EIF4G3: variants seen among roughly 807,000 people sequenced by gnomAD.
The protein encoded by EIF4G3 is eIF-4-gamma 3.
In EIF4G3, 34 loss-of-function variants were observed where a neutral mutation model predicts 186.4. The ratio of observed to expected loss-of-function variants is 0.18; its 90% CI spans 0.14 to 0.24. EIF4G3 has a LOEUF of 0.24. Among genes scored for constraint, EIF4G3 ranks in the 10% least tolerant of loss-of-function variants. The pLI is 1.00. For synonymous variants in EIF4G3, 673 were observed against 679.5 expected (o/e 0.99, Z 0.15); for missense variants, 1,536 against 1,948.5 (o/e 0.79, Z 3.99).
intron 3 of EIF4G3, among the ~76,000 whole-genome samples, chr1:21,084,857 CT>C (rs2095907581): frequency 6.6e-6 from 1 of 151,950 alleles, no homozygotes; most frequent in South Asian, 2.1e-4. Context: ...CAATAGTATA[CT>C]GTATATATAT....
chr1:20,912,414 A>G (rs896208353), intron 14 of EIF4G3, among the ~76,000 whole-genome samples: 2 of 124,294 alleles, frequency 1.6e-5, no homozygotes, highest in Admixed American at 1.7e-4. Context: ...TAAGTAAGAG[A>G]CTCTGAATTA....
intron 3 of EIF4G3, among the ~76,000 whole-genome samples, chr1:21,076,829 C>G (rs1557843035): frequency 6.6e-6 from 1 of 151,998 alleles, no homozygotes; most frequent in Non-Finnish European, 1.5e-5. Flanking sequence ...GATCTGAAAC[C>G]ATGAAACGAA....
chr1:21,016,993 A>G (rs2089301983), intron 4 of EIF4G3, among the ~76,000 whole-genome samples: 1 of 152,082 alleles, frequency 6.6e-6, no homozygotes, highest in African/African-American at 2.4e-5. Context: ...ACGAAACAAA[A>G]CAATAAATAT....
chr1:21,002,744 G>T lies in EIF4G3; in HGVS notation c.-2C>A. 2 of 1,613,740 alleles carry T rather than the reference G, an allele frequency of 1.2e-6. No homozygotes were observed. Among genetic ancestry groups the T allele is most frequent in the Non-Finnish European group, 1.7e-6 (2 of 1,179,820 alleles). On this transcript the variant is annotated 5_prime_UTR_variant, in exon 5 of 37. Coordinates refer to ENST00000602326, the MANE Select transcript of EIF4G3 (RefSeq NM_001391906.1). ...ACGGGTTTGAGGTTGTGAATTCATT[G>T]TCTGAGGGGTTTGAGGGTATACCAG...
chr1:20,889,893 C>T (rs759823395), intron 18 of EIF4G3, among the ~76,000 whole-genome samples: 8 of 152,122 alleles, frequency 5.3e-5, no homozygotes, highest in African/African-American at 9.7e-5. Flanking sequence ...TTGAAAACTA[C>T]GTAGCTGCAT....
chr1:20,906,478 G>C (rs2092128883), intron 14 of EIF4G3, among the ~76,000 whole-genome samples: 1 of 152,114 alleles, frequency 6.6e-6, no homozygotes, highest in Non-Finnish European at 1.5e-5. Context: ...TCATGGAAAA[G>C]AGGAAGAACA....
At position 21,056,136 on chromosome 1, in the gene EIF4G3, A is replaced by G. The variant is rs572400326; in HGVS notation, c.-195-5142T>C. ...ACTTTCAGGGGTATATCCCTATGGT[A>G]TGCATCCTTTGCAACTCTAAATAGT... On this transcript the variant is annotated intron_variant, in intron 3 of 36. Coordinates refer to ENST00000602326, the MANE Select transcript of EIF4G3 (RefSeq NM_001391906.1). Among the ~76,000 whole-genome samples, 3 of 152,300 alleles carry G rather than the reference A, an allele frequency of 2.0e-5. 1 individual carries two copies. The highest frequency in any genetic ancestry group is 7.2e-5 in the African/African-American group (3 of 41,582).
intron 2 of EIF4G3, among the ~76,000 whole-genome samples, chr1:21,140,523 G>T (rs2097319697): frequency 6.6e-6 from 1 of 152,198 alleles, no homozygotes; most frequent in Non-Finnish European, 1.5e-5. Context: ...CATATGCCCA[G>T]ACTGGTCTTG....
intron 2 of EIF4G3, among the ~76,000 whole-genome samples, chr1:21,143,497 A>G (rs977679470): frequency 2.0e-5 from 3 of 152,210 alleles, no homozygotes; most frequent in Non-Finnish European, 4.4e-5. Flanking sequence ...GTCTGGAGAA[A>G]GACTTCAAAC....
At chr1:20,946,005 T>C (rs745584864) in intron 13 of EIF4G3, among the ~76,000 whole-genome samples, 2 of 152,230 alleles carry the variant, frequency 1.3e-5, no homozygotes, top group Non-Finnish European at 2.9e-5. Context: ...AATTGCTCCC[T>C]TTTATTCTCA....
At chr1:21,154,236 T>A (rs914926943) in intron 2 of EIF4G3, among the ~76,000 whole-genome samples, 26 of 152,144 alleles carry the variant, frequency 1.7e-4, no homozygotes, top group African/African-American at 5.8e-4. Flanking sequence ...TCTATATAGA[T>A]CACTAATGTT....
At chr1:20,834,151 T>C (rs1262782448) in intron 30 of EIF4G3, among the ~76,000 whole-genome samples, 1 of 152,062 alleles carries the variant, frequency 6.6e-6, no homozygotes, top group Non-Finnish European at 1.5e-5. Context: ...GCTAAATAGA[T>C]TAAAAAATAA....
At chr1:21,090,534 T>C (rs61779075) in intron 2 of EIF4G3, among the ~76,000 whole-genome samples, 43,942 of 152,156 alleles carry the variant, frequency 0.29, 8,111 homozygotes, top group Non-Finnish European at 0.41. Flanking sequence ...ATGAACTCTC[T>C]TCAAAATAAA....
At chr1:20,980,270 A>G (rs900138371) in intron 10 of EIF4G3, 64 bp downstream of exon 10, 90 of 1,210,172 alleles carry the variant, frequency 7.4e-5, no homozygotes, top group Non-Finnish European at 9.8e-5. Flanking sequence ...AAACCAACCC[A>G]CCAAGCAACA....
At chr1:20,806,293 T>TATAC (rs1174359252), downstream of EIF4G3, 1 of 152,362 alleles carries the variant, frequency 6.6e-6, no homozygotes, top group Non-Finnish European at 1.5e-5. Context: ...AGTAGAGACA[T>TATAC]ATACATACAT....
intron 14 of EIF4G3, among the ~76,000 whole-genome samples, chr1:20,919,934 G>A (rs565531942): frequency 6.9e-6 from 1 of 144,094 alleles, no homozygotes; most frequent in African/African-American, 2.5e-5. Flanking sequence ...TTAAGACGGA[G>A]TTTTGCTCGT....
rs932584590 is a variant in EIF4G3, at chr1:21,050,972, G to T, written c.-173C>A. 2 of 717,238 alleles carry T rather than the reference G, an allele frequency of 2.8e-6. No homozygotes were observed. Among genetic ancestry groups the T allele is most frequent in the African/African-American group, 3.5e-5 (2 of 57,204 alleles). The allele number at this position is 717,238 out of a possible 1,614,324, so 44.4% of individuals were successfully genotyped here. A position where few individuals can be genotyped will look rare whatever the true frequency, so the allele number is the denominator to read the frequency against. On this transcript the variant is annotated 5_prime_UTR_variant, in exon 4 of 37. Transcript: ENST00000602326. ...ATAAGGGGATGGGGTAGGGGTTCCCGGCTGTCTTGCCACTTGTGTTACCTG... is the reference window on the plus strand; with the variant it reads ...ATAAGGGGATGGGGTAGGGGTTCCCTGCTGTCTTGCCACTTGTGTTACCTG...
chr1:21,162,997 G>C (rs1038797795), intron 2 of EIF4G3, among the ~76,000 whole-genome samples: 12 of 152,140 alleles, frequency 7.9e-5, no homozygotes, highest in African/African-American at 2.4e-4. Context: ...GGGGCAGAAA[G>C]CTGAACCAGA....
intron 30 of EIF4G3, among the ~76,000 whole-genome samples, chr1:20,830,612 C>T (rs559904913): frequency 6.6e-6 from 1 of 152,282 alleles, no homozygotes; most frequent in South Asian, 2.1e-4. Context: ...GTTTAATGGG[C>T]CCAAGAGACA....
Sources: allele counts gnomAD v4.1 joint callset (sites outside exome capture counted in the v4.1 genomes callset), GRCh38; gene constraint gnomAD v4.1.1; transcripts MANE v1.5; gene names NCBI Gene and HGNC (gene_info 2026-07-23, HGNC 2026-07-21).